Variants in FOXP1 observed in about 807,000 individuals in gnomAD.
FOXP1 encodes the protein forkhead box protein P1.
In FOXP1, 15 loss-of-function variants were observed where a neutral mutation model predicts 98.2. The ratio of observed to expected loss-of-function variants is 0.15; its 90% confidence interval spans 0.10 to 0.24. The LOEUF (loss-of-function observed/expected upper bound fraction) is 0.24, where lower values mean the gene tolerates loss of function less well. Ranked by LOEUF, FOXP1 falls within the 10% of genes least tolerant of loss-of-function variation. FOXP1 has a pLI of 1.00. For synonymous variants in FOXP1, 371 were observed against 314.5 expected (o/e 1.18, Z -1.90); for missense variants, 633 against 848.5 (o/e 0.75, Z 3.15).
At chr3:71,112,401 T>C in intron 7 of FOXP1, 135 bp downstream of exon 7, 1 of 745,046 alleles carries the variant, frequency 1.3e-6, no homozygotes, top group Non-Finnish European at 2.3e-6. Context: ...TACAACTTGC[T>C]GGTAAACCAA....
rs1241958580 is a variant in FOXP1, at chr3:71,581,151, T to C, written c.-298+398A>G. On this transcript the variant is annotated intron_variant, in intron 2 of 20. Transcript: ENST00000649528. ...AAGAAAATGAATTAAGACGAAAGCA[T>C]AGGATGAGCCCAGACTAAATCAATA... 11 of 983,066 alleles carry C rather than the reference T, an allele frequency of 1.1e-5. No homozygotes were observed. The South Asian group carries it at 1.9e-4, about 17-fold the overall frequency. 60.9% of individuals were successfully genotyped at this position (983,066 alleles called of 1,614,324 possible).
chr3:71,130,710 G>T, intron 6 of FOXP1: 3 of 1,538,648 alleles, frequency 1.9e-6, no homozygotes, highest in Non-Finnish European at 2.6e-6. Context: ...CCTCAGGGAG[G>T]TTTGCCTCCA....
intron 5 of FOXP1, among the ~76,000 whole-genome samples, chr3:71,264,733 G>T (rs181355645): frequency 6.6e-6 from 1 of 152,140 alleles, no homozygotes; most frequent in Non-Finnish European, 1.5e-5. Context: ...AGTTCAGCTG[G>T]AGGTAAAGAA....
chr3:71,055,742 T>C (rs571915794), intron 7 of FOXP1, among the ~76,000 whole-genome samples: 1 of 152,218 alleles, frequency 6.6e-6, no homozygotes, highest in African/African-American at 2.4e-5. Flanking sequence ...CGTATCACAA[T>C]AGAAGTTTAC....
intron 2 of FOXP1, among the ~76,000 whole-genome samples, chr3:71,508,827 AC>A (rs1336790120): frequency 6.6e-6 from 1 of 152,112 alleles, no homozygotes; most frequent in Admixed American, 6.6e-5. Flanking sequence ...TCCAGCTCTG[AC>A]CCTGGCTGGC....
intron 7 of FOXP1, among the ~76,000 whole-genome samples, chr3:71,073,208 C>T (rs1037166605): frequency 6.6e-6 from 1 of 152,210 alleles, no homozygotes; most frequent in African/African-American, 2.4e-5. Flanking sequence ...CACAACCCAA[C>T]AGGCCAGAGC....
chr3:70,993,553 C>A (rs1301253802), intron 13 of FOXP1, among the ~76,000 whole-genome samples: 1 of 152,176 alleles, frequency 6.6e-6, no homozygotes, highest in Non-Finnish European at 1.5e-5. Flanking sequence ...GGGATCCCTG[C>A]AAATTATTTC....
intron 6 of FOXP1, among the ~76,000 whole-genome samples, chr3:71,187,482 C>T (rs1265187304): frequency 6.6e-6 from 1 of 152,144 alleles, no homozygotes; most frequent in Non-Finnish European, 1.5e-5. Flanking sequence ...ACTAGGGAAG[C>T]TGAGGCAGGA....
At chr3:71,468,089 T>A (rs559653955) in intron 3 of FOXP1, among the ~76,000 whole-genome samples, 1 of 152,264 alleles carries the variant, frequency 6.6e-6, no homozygotes, top group East Asian at 1.9e-4. Flanking sequence ...CAGTCCTCAT[T>A]AGGTGGGATT....
chr3:71,445,059 G>A (rs947223901), intron 3 of FOXP1, among the ~76,000 whole-genome samples: 3 of 152,188 alleles, frequency 2.0e-5, no homozygotes, highest in South Asian at 2.1e-4. Context: ...AAGTACTTCT[G>A]GAGTGCAGAC....
At chr3:71,118,666 C>G (rs1048580678) in intron 6 of FOXP1, among the ~76,000 whole-genome samples, 1 of 152,188 alleles carries the variant, frequency 6.6e-6, no homozygotes. Flanking sequence ...GGACCAAATT[C>G]GGTCTATCAC....
chr3:71,581,587 C>G lies in FOXP1; in HGVS notation c.-336G>C. ...GGAGGGAGTAGGAGCGCCGCCTTCACGCCCGCGGAGGAGGCGCCGGCAGCA... is the reference window on the plus strand; with the variant it reads ...GGAGGGAGTAGGAGCGCCGCCTTCAGGCCCGCGGAGGAGGCGCCGGCAGCA... On this transcript the variant is annotated 5_prime_UTR_variant, in exon 2 of 21. Coordinates refer to ENST00000649528, the MANE Select transcript of FOXP1 (RefSeq NM_001349338.3). The G allele has an allele frequency of 1.0e-6, 1 of 985,570 alleles. No homozygotes were observed. Among genetic ancestry groups the G allele is most frequent in the Non-Finnish European group, 1.2e-6 (1 of 830,018 alleles). 61.1% of individuals were successfully genotyped at this position (985,570 alleles called of 1,614,324 possible).
intron 9 of FOXP1, 115 bp from the exon 10 acceptor site, chr3:71,047,210 A>C: frequency 1.7e-6 from 2 of 1,194,832 alleles, no homozygotes; most frequent in Non-Finnish European, 2.5e-6. Context: ...ACTGGAGCTC[A>C]GTGGAGGGCT....
At chr3:71,483,148 T>A (rs1054424627) in intron 3 of FOXP1, among the ~76,000 whole-genome samples, 3 of 152,138 alleles carry the variant, frequency 2.0e-5, no homozygotes, top group African/African-American at 7.2e-5. Context: ...CTTACGTCAC[T>A]TTTCAAAGTC....
At chr3:71,494,933 AAAG>A (rs1395048261) in intron 2 of FOXP1, among the ~76,000 whole-genome samples, 2 of 152,068 alleles carry the variant, frequency 1.3e-5, no homozygotes, top group African/African-American at 2.4e-5. Context: ...AAAAAAAAGA[AAAG>A]AAAAAAGAAA....
chr3:71,090,133 C>G (rs1387211026), intron 7 of FOXP1, among the ~76,000 whole-genome samples: 4 of 152,142 alleles, frequency 2.6e-5, no homozygotes, highest in Non-Finnish European at 5.9e-5. Context: ...GCCTGCGGGC[C>G]ATCAGTTTGC....
intron 7 of FOXP1, among the ~76,000 whole-genome samples, chr3:71,069,776 C>T (rs1443588724): frequency 6.6e-6 from 1 of 152,170 alleles, no homozygotes; most frequent in Admixed American, 6.5e-5. Context: ...AAAGACGGCT[C>T]TTGGGGAATG....
At chr3:71,531,474 T>C (rs895237779) in intron 2 of FOXP1, among the ~76,000 whole-genome samples, 1 of 151,722 alleles carries the variant, frequency 6.6e-6, no homozygotes, top group African/African-American at 2.4e-5. Context: ...CTGGTTTAAA[T>C]AGAGGAGCTC....
intron 3 of FOXP1, among the ~76,000 whole-genome samples, chr3:71,367,821 A>T (rs1212028525): frequency 6.6e-6 from 1 of 152,192 alleles, no homozygotes. Context: ...CCTTTCCAAG[A>T]CCATAATGAT....
Sources: gnomAD v4.1 joint callset for allele counts (sites outside exome capture counted in the v4.1 genomes callset) on GRCh38, gnomAD v4.1.1 for gene constraint, MANE v1.5 for transcripts, NCBI Gene and HGNC (gene_info 2026-07-23, HGNC 2026-07-21) for gene names.